Variants in CUEDC2 observed in about 807,000 individuals in gnomAD.
CUEDC2 encodes CUE domain containing 2.
A neutral mutation model predicts 36.0 loss-of-function variants in CUEDC2; 10 were observed. The ratio of observed to expected loss-of-function variants is 0.28; its 90% confidence interval spans 0.17 to 0.47. The LOEUF (loss-of-function observed/expected upper bound fraction) is 0.47. Among genes scored for constraint, CUEDC2 ranks in the 20% least tolerant of loss-of-function variants. CUEDC2 has a pLI of 0.99. For missense variants in CUEDC2, 269 were observed against 368.1 expected (o/e 0.73, Z 2.20); for synonymous variants, 133 against 141.8 (o/e 0.94, Z 0.44).
At chr10:102,432,327 C>A (rs2061619401) in intron 1 of CUEDC2, among the ~76,000 whole-genome samples, 199 bp downstream of exon 1, 1 of 152,236 alleles carries the variant, frequency 6.6e-6, no homozygotes, top group Admixed American at 6.5e-5. Flanking sequence ...AGGGATGCGG[C>A]TGTGGCCTTG....
In CUEDC2 at chr10:102,424,900, CCTTTAT is replaced by C. The variant is rs1232737989; in HGVS notation, c.75-114_75-109del. 17 of 1,253,328 alleles carry C rather than the reference CCTTTAT, an allele frequency of 1.4e-5. No homozygotes were observed. The highest frequency in any genetic ancestry group is 1.6e-5 in the Non-Finnish European group (14 of 898,814). The allele number at this position is 1,253,328 out of a possible 1,614,324, so 77.6% of individuals were successfully genotyped here. A position where few individuals can be genotyped will look rare whatever the true frequency, so the allele number is the denominator to read the frequency against. ...AGCTTCATGGGGTCTATGAGCTAGA[CCTTTAT>C]CTTTAAGGCCAGAGAGTATAACCCC... On this transcript the variant is annotated intron_variant, in intron 2 of 8. Transcript: ENST00000369937. This position sits in a 1 kb window ranked among gnomAD's most constrained non-coding sequence, Gnocchi z 4.2.
rs574474991 is a variant in CUEDC2 at position 102,426,983 on chromosome 10, G to A, written c.-10-1785C>T. On this transcript the variant is annotated intron_variant, in intron 1 of 8. Transcript: ENST00000369937. The stretch of plus-strand genomic sequence containing the variant: ...CGGCCTCAAAATTTCTTAGACTGAG[G>A]TCATCAGTTACTTTTTCCAGGTTTT... Among the ~76,000 whole-genome samples the A allele has an allele frequency of 1.3e-3, 203 of 151,994 alleles. 1 individual carries two copies. The highest frequency in any genetic ancestry group is 3.7e-3 in the Admixed American group (57 of 15,254).
In CUEDC2 at chr10:102,424,356, C is replaced by T. The variant is rs925681686; in HGVS notation, c.319G>A (p.Val107Met). Residue 107 changes from valine (V) to methionine (M), a missense_variant, in exon 5 of 9, where the codon GTG becomes ATG. Physicochemically the swap from Val to Met is conservative, Grantham distance 21. Transcript: ENST00000369937. The surrounding 1 kb of genome is among the most constrained non-coding windows in gnomAD (Gnocchi z 4.2). ...QPQSSGVQGQVPISPEPLQRP... is the reference protein window; with the variant it reads ...QPQSSGVQGQMPISPEPLQRP... ...TGCAGGGGCTCTGGGGAGATGGGCA[C>T]CTGACCTTGGACACCAGAGCTCTGC... 1 of 1,613,966 alleles carries T rather than the reference C, an allele frequency of 6.2e-7. No homozygotes were observed. Among genetic ancestry groups the T allele is most frequent in the Non-Finnish European group, 8.5e-7 (1 of 1,180,012 alleles).
chr10:102,424,907 C>A lies in CUEDC2; in HGVS notation c.75-115G>T. ...TGGGGTCTATGAGCTAGACCTTTAT[C>A]TTTAAGGCCAGAGAGTATAACCCCC... is the stretch of plus-strand genomic sequence containing the variant. On this transcript the variant is annotated intron_variant, in intron 2 of 8. Transcript: ENST00000369937. The surrounding 1 kb of genome is among the most constrained non-coding windows in gnomAD (Gnocchi z 4.2). The A allele has an allele frequency of 8.5e-7, 1 of 1,180,804 alleles. No individual in the cohort carries two copies. The highest frequency in any genetic ancestry group is 1.2e-6 in the Non-Finnish European group (1 of 839,028). The allele number at this position is 1,180,804 out of a possible 1,614,324, so 73.1% of individuals were successfully genotyped here.
rs1021031474 is a variant in CUEDC2, at chr10:102,430,232, G to A, written c.-11+2294C>T. Among the ~76,000 whole-genome samples the A allele has an allele frequency of 2.0e-5, 3 of 149,560 alleles. No individual in the cohort carries two copies. The East Asian group carries it at 6.0e-4, about 30-fold the overall frequency. On this transcript the variant is annotated intron_variant, in intron 1 of 8. Transcript: ENST00000369937. Reference sequence around the variant, plus strand: ...TGCCCAGGCTAGAGTGCAATGGCGCGATCTTGGCTCACCGCAACCTCCACC... The same window carrying A: ...TGCCCAGGCTAGAGTGCAATGGCGCAATCTTGGCTCACCGCAACCTCCACC...
rs377763094 is a variant in CUEDC2, at chr10:102,431,253, C to T, written c.-11+1273G>A. Among the ~76,000 whole-genome samples, 4 of 152,354 alleles carry T rather than the reference C, an allele frequency of 2.6e-5. No individual in the cohort carries two copies. The South Asian group carries it at 8.3e-4, about 32-fold the overall frequency. On this transcript the variant is annotated intron_variant, in intron 1 of 8. Coordinates refer to ENST00000369937, the MANE Select transcript of CUEDC2 (RefSeq NM_024040.3). ...CTCCCTGGTTCAAGCAATTCCCCTGCCTCAGCCTCCTGAGTAGCTGGGATT... is the reference window on the plus strand; with the variant it reads ...CTCCCTGGTTCAAGCAATTCCCCTGTCTCAGCCTCCTGAGTAGCTGGGATT...
At position 102,424,576 on chromosome 10, in the gene CUEDC2, C is replaced by T. The variant is rs970936034; in HGVS notation, c.219-16G>A. Reference sequence around the variant, plus strand: ...TATTGTGCCCCTGAAAAGATGAGGGCAGTGAGAGGATGACTCTGCCCACCC... The same window carrying T: ...TATTGTGCCCCTGAAAAGATGAGGGTAGTGAGAGGATGACTCTGCCCACCC... On this transcript the variant is annotated splice_polypyrimidine_tract_variant and intron_variant, in intron 3 of 8. Transcript: ENST00000369937. The surrounding 1 kb of genome is among the most constrained non-coding windows in gnomAD (Gnocchi z 4.2). 2 of 1,614,048 alleles carry T rather than the reference C, an allele frequency of 1.2e-6. No homozygotes were observed. The highest frequency in any genetic ancestry group is 3.3e-5 in the Admixed American group (2 of 60,004).
chr10:102,431,120 CATTTT>C (rs148221748), intron 1 of CUEDC2, among the ~76,000 whole-genome samples: 2,836 of 152,272 alleles, frequency 0.019, 85 homozygotes, highest in African/African-American at 0.065. Context: ...TTATTCTCCC[CATTTT>C]ATTTTATTTA....
At chr10:102,430,437 G>A (rs2061613189) in intron 1 of CUEDC2, among the ~76,000 whole-genome samples, 1 of 152,204 alleles carries the variant, frequency 6.6e-6, no homozygotes. Flanking sequence ...CCAAAGTGCT[G>A]GGATTATAGG....
intron 1 of CUEDC2, among the ~76,000 whole-genome samples, chr10:102,426,455 A>T (rs1187555180): frequency 6.6e-6 from 1 of 151,706 alleles, no homozygotes; most frequent in Non-Finnish European, 1.5e-5. Flanking sequence ...AGCTGACACC[A>T]CTCACTCAGC....
rs199625253 is a variant in CUEDC2, at chr10:102,424,329, G to A, written c.346C>T (p.Arg116Trp). 9.9e-5 allele frequency: 159 copies of A among 1,614,144 alleles called. 1 individual carries two copies. The Middle Eastern group carries it at 1.3e-3, about 13-fold the overall frequency. Residue 116 changes from arginine to tryptophan, a missense_variant, in exon 5 of 9, where the codon CGG becomes TGG. Transcript: ENST00000369937. This position sits in a 1 kb window ranked among gnomAD's most constrained non-coding sequence, Gnocchi z 4.2. The part of the protein sequence containing the change: ...QVPISPEPLQ[R>W]PEMLKEETRS... ...GTCTCTTCTTTGAGCATTTCGGGCC[G>A]CTGCAGGGGCTCTGGGGAGATGGGC...
chr10:102,424,708 A>T lies in CUEDC2; in HGVS notation c.159T>A (p.Asp53Glu). 1 of 1,614,116 alleles carries T rather than the reference A, an allele frequency of 6.2e-7. No homozygotes were observed. Among genetic ancestry groups the T allele is most frequent in the Non-Finnish European group, 8.5e-7 (1 of 1,179,986 alleles). ...GPSGPSEENF[D>E]MEAFTEMMEA... ...CCATCATCTCAGTGAAAGCCTCCAT[A>T]TCGAAGTTCTCCTCTGATGGGCCCG... is the stretch of plus-strand genomic sequence containing the variant. Residue 53 changes from aspartate to glutamate, a missense_variant, in exon 3 of 9, where the codon GAT (aspartate) becomes GAA (glutamate). Physicochemically the swap from Asp to Glu is conservative, Grantham distance 45. Transcript: ENST00000369937. The surrounding 1 kb of genome is among the most constrained non-coding windows in gnomAD (Gnocchi z 4.2).
At chr10:102,432,477 C>A (rs1452804687) in intron 1 of CUEDC2, 49 bp downstream of exon 1, 1 of 152,276 alleles carries the variant, frequency 6.6e-6, no homozygotes, top group Admixed American at 6.5e-5. Flanking sequence ...TGGGTCAGCG[C>A]TCTCCGCGAC....
chr10:102,423,345 G>T lies in CUEDC2; in HGVS notation c.*81C>A. 1 of 1,535,458 alleles carries T rather than the reference G, an allele frequency of 6.5e-7. No homozygotes were observed. Among genetic ancestry groups the T allele is most frequent in the South Asian group, 1.1e-5 (1 of 88,454 alleles). ...TAGAGAAGGGGGACAGGAGTTAGGG[G>T]GCCCCTGTGTAGGGGTATAGGGCTC... On this transcript the variant is annotated 3_prime_UTR_variant, in exon 9 of 9. Transcript: ENST00000369937. The surrounding 1 kb of genome is among the most constrained non-coding windows in gnomAD (Gnocchi z 5.6).
At chr10:102,430,590 A>G (rs767634234) in intron 1 of CUEDC2, among the ~76,000 whole-genome samples, 6 of 152,204 alleles carry the variant, frequency 3.9e-5, no homozygotes, top group South Asian at 2.1e-4. Context: ...AAATAAAAAG[A>G]CTTGCTCCCC....
chr10:102,428,894 C>T (rs1034762582), intron 1 of CUEDC2, among the ~76,000 whole-genome samples: 6 of 151,754 alleles, frequency 4.0e-5, no homozygotes, highest in African/African-American at 9.7e-5. Flanking sequence ...TGGTGGCACG[C>T]GCCTGTAGTC....
rs749599580 is a variant in CUEDC2, at chr10:102,424,503, G to T, written c.276C>A (p.Asn92Lys). 2 of 1,614,158 alleles carry T rather than the reference G, an allele frequency of 1.2e-6. No homozygotes were observed. The change falls in exon 4 of 9, where the codon AAC becomes AAA. Residue 92 changes from asparagine to lysine, a missense_variant. Asn to Lys is a moderately conservative substitution (Grantham distance 94, BLOSUM62 0). Transcript: ENST00000369937. The surrounding 1 kb of genome is among the most constrained non-coding windows in gnomAD (Gnocchi z 4.2). The part of the protein sequence containing the change: ...KLSGQLSDAR[N>K]KENLQPQSSG... ...TGCCCAGAGCCCCAGACTCACCTTT[G>T]TTCCTGGCATCGCTCAGCTGCCCTG...
chr10:102,424,780 C>G lies in CUEDC2; in HGVS notation c.87G>C (p.Glu29Asp). The G allele has an allele frequency of 6.2e-7, 1 of 1,613,382 alleles. No homozygotes were observed. Among genetic ancestry groups the G allele is most frequent in the Admixed American group, 1.7e-5 (1 of 59,968 alleles). The change falls in exon 3 of 9, where the codon GAG becomes GAC. Residue 29 changes from glutamate to aspartate, a missense_variant. By Grantham distance (45) the Glu-to-Asp change is conservative. Coordinates refer to ENST00000369937, the MANE Select transcript of CUEDC2 (RefSeq NM_024040.3). This position sits in a 1 kb window ranked among gnomAD's most constrained non-coding sequence, Gnocchi z 4.2. The stretch of plus-strand genomic sequence containing the variant: ...CCCCAAGCACATAGGAGAAGATGAC[C>G]TCATCCAAGCCACTGCAGGAAGGGA... ...LPEADLSGLDEVIFSYVLGVL... is the reference protein window; with the variant it reads ...LPEADLSGLDDVIFSYVLGVL...
rs2135470365 is a variant in CUEDC2 at position 102,424,274 on chromosome 10, G to A, written c.401C>T (p.Thr134Ile). The change falls in exon 5 of 9, where the codon ACC becomes ATC. Residue 134 changes from threonine (T) to isoleucine (I), a missense_variant. Coordinates refer to ENST00000369937, the MANE Select transcript of CUEDC2 (RefSeq NM_024040.3). The surrounding 1 kb of genome is among the most constrained non-coding windows in gnomAD (Gnocchi z 4.2). ...TRSSAAAAAD[T>I]QDEATGAEEE... ...CTCCTCTACCAGTACCTCATCTTGGGTGTCTGCAGCAGCAGCAGCCGAAGA... is the reference window on the plus strand; with the variant it reads ...CTCCTCTACCAGTACCTCATCTTGGATGTCTGCAGCAGCAGCAGCCGAAGA... 3 of 1,613,776 alleles carry A rather than the reference G, an allele frequency of 1.9e-6. No individual in the cohort carries two copies. The highest frequency in any genetic ancestry group is 1.1e-5 in the South Asian group (1 of 91,024).
Sources: allele counts gnomAD v4.1 joint callset (sites outside exome capture counted in the v4.1 genomes callset), GRCh38; gene constraint gnomAD v4.1.1; non-coding constraint Gnocchi (gnomAD v3.1); transcripts MANE v1.5; gene names NCBI Gene and HGNC (gene_info 2026-07-23, HGNC 2026-07-21).